The following ITSN1 variants were observed in gnomAD, a reference collection of about 807,000 sequenced individuals.
ITSN1 encodes the protein intersectin 1.
In ITSN1, 58 loss-of-function variants were observed where a neutral mutation model predicts 239.8. The observed-to-expected ratio is 0.24, with a 90% CI of 0.20 to 0.30. The LOEUF (loss-of-function observed/expected upper bound fraction) is 0.30. Among genes scored for constraint, ITSN1 ranks in the 10% least tolerant of loss-of-function variants. ITSN1 has a pLI of 1.00. For synonymous variants in ITSN1, 780 were observed against 770.8 expected (o/e 1.01, Z -0.20); for missense variants, 1,558 against 2,103.3 (o/e 0.74, Z 5.07).
Position 33,889,723 on chromosome 21 carries a change from T to C in ITSN1, c.*1423T>C, listed in dbSNP as rs1871498926. On this transcript the variant is annotated 3_prime_UTR_variant, in exon 40 of 40. Coordinates refer to ENST00000381318, the MANE Select transcript of ITSN1 (RefSeq NM_003024.3). The stretch of plus-strand genomic sequence containing the variant: ...CTGTACTAGATGGTGTTCTCTTTGA[T>C]TGTAGGTCCTTAGACTTTAATTAGG... 6.6e-6 allele frequency: 1 copy of C among 152,250 alleles called. No individual in the cohort carries two copies. The highest frequency in any genetic ancestry group is 6.5e-5 in the Admixed American group (1 of 15,286). The allele number at this position is 152,250 out of a possible 1,614,324, so 9.4% of individuals were successfully genotyped here.
intron 1 of ITSN1, among the ~76,000 whole-genome samples, chr21:33,708,549 G>A (rs528576012): frequency 1.6e-5 from 2 of 121,560 alleles, no homozygotes; most frequent in South Asian, 3.1e-4. Context: ...CACCACGCCC[G>A]GCTAATTTTG....
chr21:33,871,025 A>G (rs1602662401), intron 33 of ITSN1, among the ~76,000 whole-genome samples: 1 of 152,002 alleles, frequency 6.6e-6, no homozygotes, highest in Non-Finnish European at 1.5e-5. Context: ...CAGCTGCTCG[A>G]GAGGCTGAGG....
chr21:33,750,999 T>C (rs1298666762), intron 6 of ITSN1, among the ~76,000 whole-genome samples: 5 of 152,190 alleles, frequency 3.3e-5, no homozygotes, highest in Non-Finnish European at 7.3e-5. Flanking sequence ...ACGACATGGG[T>C]TTTAGCATCA....
intron 5 of ITSN1, among the ~76,000 whole-genome samples, chr21:33,741,030 T>A (rs928671822): frequency 3.9e-5 from 6 of 152,230 alleles, no homozygotes; most frequent in African/African-American, 1.4e-4. Flanking sequence ...TTTACCAGTC[T>A]GATGATTAAA....
At chr21:33,678,902 CAG>C (rs1365229426) in intron 1 of ITSN1, among the ~76,000 whole-genome samples, 5 of 152,126 alleles carry the variant, frequency 3.3e-5, no homozygotes, top group Admixed American at 2.6e-4. Flanking sequence ...TTAGTAGAGA[CAG>C]GGTTTCACGG....
chr21:33,780,205 C>T (rs1005782450), intron 14 of ITSN1, among the ~76,000 whole-genome samples: 1 of 152,158 alleles, frequency 6.6e-6, no homozygotes, highest in East Asian at 1.9e-4. Context: ...GTTTATTAAA[C>T]TAAGTATTAT....
chr21:33,805,449 A>G (rs961841818), intron 20 of ITSN1, among the ~76,000 whole-genome samples: 5 of 152,160 alleles, frequency 3.3e-5, no homozygotes, highest in Admixed American at 1.3e-4. Context: ...TTTAGTAACA[A>G]CTGGCCATAA....
At chr21:33,649,136 T>C (rs1373223990) in intron 1 of ITSN1, among the ~76,000 whole-genome samples, 4 of 152,280 alleles carry the variant, frequency 2.6e-5, no homozygotes, top group African/African-American at 9.6e-5. Context: ...GCTGGGTGTG[T>C]GTGTCCAGGT....
At chr21:33,861,443 T>C (rs1427496650) in intron 31 of ITSN1, among the ~76,000 whole-genome samples, 2 of 152,038 alleles carry the variant, frequency 1.3e-5, no homozygotes, top group East Asian at 3.9e-4. Context: ...CAACAATAAA[T>C]AAATAACATG....
rs759669553 is a variant in ITSN1 at position 33,767,783 on chromosome 21, C to T, written c.997C>T (p.Pro333Ser). 8.7e-6 allele frequency: 14 copies of T among 1,612,328 alleles called. No individual in the cohort carries two copies. In the South Asian group the frequency reaches 1.4e-4, roughly 16 times the overall value. Residue 333 changes from proline to serine, a missense_variant, in exon 11 of 40, where the codon CCA becomes TCA. Pro to Ser is a moderately conservative substitution (Grantham distance 74). Around this residue, in one of 2 missense-constraint regions of ITSN1, gnomAD observed 982 missense variants for 1,209.9 expected, o/e 0.81. Coordinates refer to ENST00000381318, the MANE Select transcript of ITSN1 (RefSeq NM_003024.3). ...TSVDQRLPEE[P>S]VLEDEQQQLE... The stretch of plus-strand genomic sequence containing the variant: ...TGTAGATCAGAGGCTACCAGAGGAA[C>T]CAGTTTTAGAAGATGAACAACAACA...
intron 20 of ITSN1, among the ~76,000 whole-genome samples, chr21:33,805,807 G>T (rs1220458558): frequency 1.3e-5 from 2 of 151,300 alleles, no homozygotes. Flanking sequence ...GAGTAGCTAG[G>T]ACTACAGGCA....
intron 4 of ITSN1, among the ~76,000 whole-genome samples, chr21:33,733,804 T>A (rs983677915): frequency 6.6e-6 from 1 of 152,316 alleles, no homozygotes; most frequent in Admixed American, 6.5e-5. Context: ...AACTCCTATC[T>A]GAGGCAAAAA....
intron 25 of ITSN1, 23 bp from the exon 26 acceptor site, chr21:33,826,795 G>T: frequency 6.2e-7 from 1 of 1,611,310 alleles, no homozygotes; most frequent in Non-Finnish European, 8.5e-7. Flanking sequence ...GCATGCAAAT[G>T]AGACCTTTTG....
At chr21:33,724,179 G>A (rs970635064) in intron 4 of ITSN1, among the ~76,000 whole-genome samples, 9 of 152,034 alleles carry the variant, frequency 5.9e-5, no homozygotes, top group Non-Finnish European at 1.2e-4. Flanking sequence ...TTGGGTATCT[G>A]CTTTATTTTC....
chr21:33,803,698 T>A (rs1486782033), intron 20 of ITSN1, among the ~76,000 whole-genome samples: 1 of 152,240 alleles, frequency 6.6e-6, no homozygotes, highest in African/African-American at 2.4e-5. Flanking sequence ...TATAGACTTC[T>A]ATGTTATTTT....
At chr21:33,738,627 C>T (rs1351991473) in intron 5 of ITSN1, among the ~76,000 whole-genome samples, 1 of 152,120 alleles carries the variant, frequency 6.6e-6, no homozygotes, top group Non-Finnish European at 1.5e-5. Flanking sequence ...GTCTTGAACT[C>T]CTGACCTTGT....
At chr21:33,684,891 A>G (rs2091160657) in intron 1 of ITSN1, among the ~76,000 whole-genome samples, 1 of 152,210 alleles carries the variant, frequency 6.6e-6, no homozygotes, top group Non-Finnish European at 1.5e-5. Context: ...AGTAACTCTC[A>G]AAGAAATAGT....
In ITSN1 at chr21:33,891,055, G is replaced by A. The variant is rs934012116; in HGVS notation, c.*2755G>A. On this transcript the variant is annotated 3_prime_UTR_variant, in exon 40 of 40. Coordinates refer to ENST00000381318, the MANE Select transcript of ITSN1 (RefSeq NM_003024.3). ...TCACAGAGCAGTTCTCTAGAAGGCAGAGTCCACATCCTGGTCCCTCTGGGG... is the reference window on the plus strand; with the variant it reads ...TCACAGAGCAGTTCTCTAGAAGGCAAAGTCCACATCCTGGTCCCTCTGGGG... The A allele has an allele frequency of 6.6e-5, 10 of 152,342 alleles. No individual in the cohort carries two copies. The highest frequency in any genetic ancestry group is 1.0e-4 in the Non-Finnish European group (7 of 68,120). The allele number at this position is 152,342 out of a possible 1,614,324, so 9.4% of individuals were successfully genotyped here. A position where few individuals can be genotyped will look rare whatever the true frequency, so the allele number is the denominator to read the frequency against.
intron 33 of ITSN1, among the ~76,000 whole-genome samples, chr21:33,869,770 G>C (rs1982391351): frequency 6.6e-6 from 1 of 152,050 alleles, no homozygotes; most frequent in Non-Finnish European, 1.5e-5. Flanking sequence ...GCACTGGCGT[G>C]CTCATTGCTA....
Sources: allele counts gnomAD v4.1 joint callset (sites outside exome capture counted in the v4.1 genomes callset), GRCh38; gene constraint gnomAD v4.1.1; regional missense constraint gnomAD v4.1.1; transcripts MANE v1.5; gene names NCBI Gene and HGNC (gene_info 2026-07-23, HGNC 2026-07-21).